NCK2: variants seen among roughly 807,000 people sequenced by gnomAD.
NCK2 encodes cytoplasmic protein NCK2.
Under a neutral mutation model 33.9 loss-of-function variants are expected in NCK2, and 16 were observed. The ratio of observed to expected loss-of-function variants is 0.47; its 90% confidence interval spans 0.32 to 0.72. NCK2 has a LOEUF of 0.72. NCK2 is among the 30% of genes least tolerant of loss of function. NCK2 has a pLI of 0.03. For missense variants in NCK2, 418 were observed against 537.3 expected, an observed-to-expected ratio of 0.78 and a Z score of 2.19; for synonymous variants, 273 against 239.9, an observed-to-expected ratio of 1.14 and a Z score of -1.27.
chr2:105,835,408 T>TATATATATATAC, intron 2 of NCK2, among the ~76,000 whole-genome samples: 1 of 41,274 alleles, frequency 2.4e-5, no homozygotes, highest in East Asian at 8.9e-4. Flanking sequence ...TATATATACG[T>TATATATATATAC]GTATATATAT....
intron 1 of NCK2, among the ~76,000 whole-genome samples, chr2:105,751,331 T>A (rs1159836027): frequency 6.6e-6 from 1 of 152,226 alleles, no homozygotes; most frequent in Non-Finnish European, 1.5e-5. Flanking sequence ...GTCCTTTTTC[T>A]GTTTCCCCTG....
intron 1 of NCK2, among the ~76,000 whole-genome samples, chr2:105,804,595 G>T (rs1217428536): frequency 6.6e-6 from 1 of 152,182 alleles, no homozygotes; most frequent in Non-Finnish European, 1.5e-5. Flanking sequence ...CATTAATTGG[G>T]CAGCTGCCAT....
rs373672266 is a variant in NCK2 at position 105,893,227 on chromosome 2, G to A, written c.*51G>A. ...CCCGGGCCCCACGGTGGAGCTGCCCGCCCGGCCTTGTGGCAGAGGCTCCTC... is the reference window on the plus strand; with the variant it reads ...CCCGGGCCCCACGGTGGAGCTGCCCACCCGGCCTTGTGGCAGAGGCTCCTC... On this transcript the variant is annotated 3_prime_UTR_variant, in exon 5 of 5. Transcript: ENST00000233154. The A allele has an allele frequency of 1.3e-5, 19 of 1,501,440 alleles. No homozygotes were observed. Among genetic ancestry groups the A allele is most frequent in the African/African-American group, 1.4e-5 (1 of 71,718 alleles). The allele number at this position is 1,501,440 out of a possible 1,614,324, so 93.0% of individuals were successfully genotyped here.
chr2:105,848,181 A>G (rs941158468), intron 2 of NCK2, among the ~76,000 whole-genome samples: 2 of 152,200 alleles, frequency 1.3e-5, no homozygotes, highest in African/African-American at 4.8e-5. Flanking sequence ...TATTTCCTGT[A>G]GACTGGCTCA....
chr2:105,866,042 G>A (rs1677738836), intron 3 of NCK2, among the ~76,000 whole-genome samples: 1 of 152,116 alleles, frequency 6.6e-6, no homozygotes, highest in Non-Finnish European at 1.5e-5. Flanking sequence ...AGCTTCCCAA[G>A]TAGCTGGGAT....
intron 2 of NCK2, among the ~76,000 whole-genome samples, chr2:105,823,397 C>T (rs986164605): frequency 6.6e-6 from 1 of 151,814 alleles, no homozygotes; most frequent in Non-Finnish European, 1.5e-5. Context: ...TCCCGTGCTG[C>T]AGGTGCCTCA....
At position 105,759,116 on chromosome 2, in the gene NCK2, A is replaced by C. The variant is rs187598083; in HGVS notation, c.-201+13978A>C. 4.9e-4 allele frequency among the ~76,000 whole-genome samples: 74 copies of C among 152,334 alleles called. No individual in the cohort carries two copies. In the East Asian group the frequency reaches 0.011, roughly 23 times the overall value. ...GATAATTTAAGATCTGAGTTTGATA[A>C]AATTTTAAAGGTTGATCGAATACCT... On this transcript the variant is annotated intron_variant, in intron 1 of 4. Transcript: ENST00000233154.
intron 1 of NCK2, among the ~76,000 whole-genome samples, chr2:105,773,443 C>T (rs748676364): frequency 2.0e-4 from 30 of 152,164 alleles, no homozygotes; most frequent in Middle Eastern, 3.4e-3. Flanking sequence ...TTGTTTCCCA[C>T]ATGCTCAGCT....
intron 1 of NCK2, among the ~76,000 whole-genome samples, chr2:105,761,439 C>T (rs1222381798): frequency 1.3e-5 from 2 of 152,188 alleles, no homozygotes; most frequent in Admixed American, 6.5e-5. Flanking sequence ...GGGACGATTC[C>T]AGGCTTGGGT....
chr2:105,855,929 G>A (rs554817138), intron 3 of NCK2, among the ~76,000 whole-genome samples: 18 of 149,908 alleles, frequency 1.2e-4, no homozygotes, highest in African/African-American at 3.7e-4. Context: ...CCACCTCCTG[G>A]GTTCACACCA....
In NCK2 at chr2:105,827,113, C is replaced by G. The variant is rs552380458; in HGVS notation, c.-17+10500C>G. ...CTCCCACGTTCACACCATTCTCCTGCCTCAGCCTCCTGAGTAGCTGGGACT... is the reference window on the plus strand; with the variant it reads ...CTCCCACGTTCACACCATTCTCCTGGCTCAGCCTCCTGAGTAGCTGGGACT... On this transcript the variant is annotated intron_variant, in intron 2 of 4. Coordinates refer to ENST00000233154, the MANE Select transcript of NCK2 (RefSeq NM_003581.5). 1.8e-4 allele frequency among the ~76,000 whole-genome samples: 28 copies of G among 152,100 alleles called. 1 individual carries two copies. The Middle Eastern group carries it at 0.014, about 74-fold the overall frequency.
chr2:105,863,820 T>C (rs1677640373), intron 3 of NCK2, among the ~76,000 whole-genome samples: 1 of 152,154 alleles, frequency 6.6e-6, no homozygotes, highest in Non-Finnish European at 1.5e-5. Flanking sequence ...CTCTTAATCA[T>C]TGAGTGACTT....
chr2:105,866,822 G>T (rs1677783469), intron 3 of NCK2, among the ~76,000 whole-genome samples: 1 of 152,222 alleles, frequency 6.6e-6, no homozygotes, highest in Non-Finnish European at 1.5e-5. Context: ...GGCTGGAAAT[G>T]AGATGTACCC....
At chr2:105,799,561 A>G (rs937914250) in intron 1 of NCK2, among the ~76,000 whole-genome samples, 3 of 152,146 alleles carry the variant, frequency 2.0e-5, no homozygotes, top group South Asian at 2.1e-4. Flanking sequence ...GTGTTTCGTT[A>G]GTCTGTCTAT....
chr2:105,835,393 A>ACG (rs1676365315), intron 2 of NCK2, among the ~76,000 whole-genome samples: 1,874 of 51,686 alleles, frequency 0.036, 292 homozygotes, highest in African/African-American at 0.12. Context: ...ATACACATAT[A>ACG]TATATATATA....
intron 3 of NCK2, among the ~76,000 whole-genome samples, chr2:105,864,532 A>G (rs1288894415): frequency 5.3e-5 from 8 of 152,088 alleles, no homozygotes; most frequent in African/African-American, 1.9e-4. Flanking sequence ...CGTCAGTAGG[A>G]TGCAGAGAAG....
At chr2:105,835,809 T>A (rs1676409737) in intron 2 of NCK2, among the ~76,000 whole-genome samples, 2 of 151,978 alleles carry the variant, frequency 1.3e-5, no homozygotes, top group African/African-American at 4.8e-5. Flanking sequence ...GTAGGCTTTC[T>A]TCATTCTTTT....
At chr2:105,848,538 T>G (rs534536911) in intron 2 of NCK2, 1 of 152,354 alleles carries the variant, frequency 6.6e-6, no homozygotes, top group East Asian at 1.9e-4. Flanking sequence ...CCATGCTCAG[T>G]GGGAGCAGCC....
intron 1 of NCK2, among the ~76,000 whole-genome samples, chr2:105,785,599 ATAGCACCAATAG>A (rs1280282524): frequency 2.0e-5 from 3 of 152,208 alleles, no homozygotes; most frequent in Admixed American, 6.5e-5. Context: ...CCAATCTCCA[ATAGCACCAATAG>A]AGTGGAAGCC....
Sources: allele counts gnomAD v4.1 joint callset (sites outside exome capture counted in the v4.1 genomes callset), GRCh38; gene constraint gnomAD v4.1.1; transcripts MANE v1.5; gene names NCBI Gene and HGNC (gene_info 2026-07-23, HGNC 2026-07-21).